DZIP1L: variants seen among roughly 807,000 people sequenced by gnomAD.
The protein encoded by DZIP1L is DAZ interacting zinc finger protein 1 like.
Under a neutral mutation model 88.7 loss-of-function variants are expected in DZIP1L, and 90 were observed. The observed-to-expected ratio is 1.02, with a 90% confidence interval of 0.86 to 1.21. DZIP1L has a LOEUF of 1.21. Ranked by LOEUF, DZIP1L falls within the 50% of genes most tolerant of loss-of-function variation. The pLI is 0.00. For missense variants in DZIP1L, 932 were observed against 955.8 expected (o/e 0.98, Z 0.33); for synonymous variants, 363 against 372.1 (o/e 0.98, Z 0.28).
intron 10 of DZIP1L, among the ~76,000 whole-genome samples, chr3:138,077,835 T>C (rs575924168): frequency 6.6e-6 from 1 of 152,338 alleles, no homozygotes; most frequent in Non-Finnish European, 1.5e-5. Context: ...TGCTGTGGGT[T>C]CCAGCCTAAT....
chr3:138,071,896 GC>G (rs1943198494), intron 11 of DZIP1L, 61 bp from the exon 12 acceptor site: 1 of 1,497,138 alleles, frequency 6.7e-7, no homozygotes. Flanking sequence ...CTTCCCCTAA[GC>G]CTCTCACACC....
chr3:138,093,986 G>T (rs1317131869), intron 4 of DZIP1L, among the ~76,000 whole-genome samples: 6 of 152,150 alleles, frequency 3.9e-5, no homozygotes, highest in African/African-American at 1.4e-4. Context: ...TCATAACTTG[G>T]CTGTTTGGCA....
intron 5 of DZIP1L, chr3:138,089,291 G>T (rs895954127): frequency 2.9e-5 from 29 of 985,056 alleles, no homozygotes; most frequent in Non-Finnish European, 3.4e-5. Flanking sequence ...AGAGTCAAAT[G>T]CTTGATCAGA....
At chr3:138,096,738 T>C (rs1944484893) in intron 3 of DZIP1L, among the ~76,000 whole-genome samples, 1 of 152,230 alleles carries the variant, frequency 6.6e-6, no homozygotes, top group Non-Finnish European at 1.5e-5. Flanking sequence ...GAATTAGATA[T>C]ACACTAAATA....
chr3:138,077,576 G>C lies in DZIP1L; in HGVS notation c.1345C>G (p.Pro449Ala), dbSNP rs1344381809. Residue 449 changes from proline (P) to alanine (A), a missense_variant, in exon 11 of 16, where the codon CCC (proline) becomes GCC (alanine). Coordinates refer to ENST00000327532, the MANE Select transcript of DZIP1L (RefSeq NM_173543.3). Reference sequence around the variant, plus strand: ...GGTCTGAAGTGCTTCAGCAAAGTGGGGTTACGCCTCAGAGCTGCCAGCACC... The same window carrying C: ...GGTCTGAAGTGCTTCAGCAAAGTGGCGTTACGCCTCAGAGCTGCCAGCACC... ...HKVLAALRRN[P>A]TLLKHFRPIL... 2.5e-6 allele frequency: 4 copies of C among 1,614,020 alleles called. No homozygotes were observed. The highest frequency in any genetic ancestry group is 2.7e-5 in the African/African-American group (2 of 74,900).
Position 138,075,403 on chromosome 3 carries a change from G to A in DZIP1L, c.1422+2096C>T, listed in dbSNP as rs186889422. ...TTCTCCAAGATAGACCAGATGATAG[G>A]CCACAAAACAAGTCTCAGTAAACTT... On this transcript the variant is annotated intron_variant, in intron 11 of 15. Transcript: ENST00000327532. Among the ~76,000 whole-genome samples, 6 of 152,268 alleles carry A rather than the reference G, an allele frequency of 3.9e-5. No homozygotes were observed. In the East Asian group the frequency reaches 7.7e-4, roughly 20 times the overall value.
At chr3:138,101,919 G>A (rs1393715332) in intron 2 of DZIP1L, 23 of 1,464,572 alleles carry the variant, frequency 1.6e-5, no homozygotes, top group South Asian at 2.3e-5. Flanking sequence ...CACGTTGCTC[G>A]GCATCTGCGA....
chr3:138,107,370 T>C (rs1010018332), intron 1 of DZIP1L, among the ~76,000 whole-genome samples: 1 of 152,198 alleles, frequency 6.6e-6, no homozygotes, highest in African/African-American at 2.4e-5. Context: ...TATGCTTTCT[T>C]GACCTTCCAC....
chr3:138,091,200 A>G (rs2107805419), intron 5 of DZIP1L, among the ~76,000 whole-genome samples: 1 of 152,174 alleles, frequency 6.6e-6, no homozygotes, highest in Non-Finnish European at 1.5e-5. Context: ...TAAACTTGTT[A>G]GTATATCCAG....
At chr3:138,108,241 C>A (rs2042551291) in intron 1 of DZIP1L, 1 of 985,312 alleles carries the variant, frequency 1.0e-6, no homozygotes, top group Non-Finnish European at 1.2e-6. Flanking sequence ...TCAGAGACGA[C>A]TACTCACAAC....
intron 3 of DZIP1L, among the ~76,000 whole-genome samples, chr3:138,097,174 C>T (rs1218733039): frequency 6.7e-6 from 1 of 150,326 alleles, no homozygotes; most frequent in Non-Finnish European, 1.5e-5. Flanking sequence ...AGAGTGAGAC[C>T]CTGTCTCAAA....
At chr3:138,087,388 C>G (rs2622715) in intron 6 of DZIP1L, among the ~76,000 whole-genome samples, 96,548 of 152,086 alleles carry the variant, frequency 0.63, 31,335 homozygotes, top group Non-Finnish European at 0.7. Flanking sequence ...AGTGGGGAAG[C>G]CCATAAAGAA....
chr3:138,093,260 C>T (rs1347632268), intron 4 of DZIP1L, among the ~76,000 whole-genome samples: 1 of 152,180 alleles, frequency 6.6e-6, no homozygotes, highest in Non-Finnish European at 1.5e-5. Context: ...TGACCAGGAA[C>T]ATTGTCAATG....
At chr3:138,106,057 T>TAAGG (rs768528068) in intron 1 of DZIP1L, among the ~76,000 whole-genome samples, 3 of 150,158 alleles carry the variant, frequency 2.0e-5, no homozygotes, top group Non-Finnish European at 4.4e-5. Flanking sequence ...AGAATCTGAC[T>TAAGG]AAGGCAACAA....
chr3:138,096,340 T>C (rs1458997085), intron 3 of DZIP1L, among the ~76,000 whole-genome samples: 1 of 152,218 alleles, frequency 6.6e-6, no homozygotes, highest in Non-Finnish European at 1.5e-5. Flanking sequence ...TCATGTGATT[T>C]ATAATAAATA....
intron 1 of DZIP1L, among the ~76,000 whole-genome samples, chr3:138,110,831 G>C (rs572707823): frequency 2.7e-3 from 416 of 152,360 alleles, no homozygotes; most frequent in African/African-American, 8.9e-3. Context: ...TGAAGAAACA[G>C]AGTGTGATCA....
chr3:138,097,994 T>A, intron 2 of DZIP1L, 147 bp from the exon 3 acceptor site: 2 of 669,260 alleles, frequency 3.0e-6, no homozygotes, highest in African/African-American at 1.8e-5. Context: ...GGCAATGATG[T>A]CAGCCCATGC....
intron 7 of DZIP1L, among the ~76,000 whole-genome samples, chr3:138,085,411 A>C (rs1943880031): frequency 6.6e-6 from 1 of 152,198 alleles, no homozygotes; most frequent in Non-Finnish European, 1.5e-5. Flanking sequence ...AATTTACAAG[A>C]AAAAAACAAA....
At chr3:138,106,071 G>T (rs1026129999) in intron 1 of DZIP1L, among the ~76,000 whole-genome samples, 6 of 149,126 alleles carry the variant, frequency 4.0e-5, no homozygotes, top group Non-Finnish European at 8.9e-5. Flanking sequence ...GCAACAAGAG[G>T]TACACTTTAC....
Sources: gnomAD v4.1 joint callset for allele counts (sites outside exome capture counted in the v4.1 genomes callset) on GRCh38, gnomAD v4.1.1 for gene constraint, MANE v1.5 for transcripts, NCBI Gene and HGNC (gene_info 2026-07-23, HGNC 2026-07-21) for gene names.